Variants in JAG1 observed in about 807,000 individuals in gnomAD.
JAG1 encodes jagged canonical Notch ligand 1.
A neutral mutation model predicts 148.7 loss-of-function variants in JAG1; 23 were observed. The ratio of observed to expected loss-of-function variants is 0.15; its 90% CI spans 0.11 to 0.22. JAG1 has a LOEUF of 0.22. Among genes scored for constraint, JAG1 ranks in the 10% least tolerant of loss-of-function variants. The pLI, the probability that JAG1 is intolerant of heterozygous loss-of-function variation, is 1.00. For missense variants in JAG1, 1,054 were observed against 1,611.2 expected, an observed-to-expected ratio of 0.65 and a Z score of 5.92; for synonymous variants, 572 against 598.3, an observed-to-expected ratio of 0.96 and a Z score of 0.64.
In JAG1 at chr20:10,649,646, A is replaced by G; in HGVS notation, c.1235-11T>C. 6.6e-7 allele frequency: 1 copy of G among 1,513,002 alleles called. No individual in the cohort carries two copies. The highest frequency in any genetic ancestry group is 9.2e-7 in the Non-Finnish European group (1 of 1,088,028). 93.7% of individuals were successfully genotyped at this position (1,513,002 alleles called of 1,614,324 possible). The stretch of plus-strand genomic sequence containing the variant: ...CACATTCATTTGCATCTGAAAGGAG[A>G]TGGGGATGAGCATGAGAAATGAAGT... On this transcript the variant is annotated splice_polypyrimidine_tract_variant and intron_variant, in intron 9 of 25. Coordinates refer to ENST00000254958, the MANE Select transcript of JAG1 (RefSeq NM_000214.3).
chr20:10,670,048 G>A (rs2067485287), intron 2 of JAG1, among the ~76,000 whole-genome samples: 1 of 152,156 alleles, frequency 6.6e-6, no homozygotes, highest in Non-Finnish European at 1.5e-5. Flanking sequence ...CAGAGCCGGG[G>A]CAGGGGACAC....
chr20:10,640,533 C>T (rs949734775), intron 25 of JAG1, among the ~76,000 whole-genome samples: 7 of 152,182 alleles, frequency 4.6e-5, no homozygotes, highest in Non-Finnish European at 7.3e-5. Flanking sequence ...GGCTTTGTCA[C>T]GGATCTAGCA....
intron 18 of JAG1, 186 bp downstream of exon 18, chr20:10,644,677 C>T: frequency 3.0e-6 from 2 of 657,678 alleles, no homozygotes; most frequent in South Asian, 1.7e-5. Context: ...TCTGTCTCCA[C>T]TTATCTTATT....
At chr20:10,647,343 T>G in intron 13 of JAG1, 1 of 570,848 alleles carries the variant, frequency 1.8e-6, no homozygotes. Flanking sequence ...AAAACCCACA[T>G]GCTTGTGGAT....
At chr20:10,653,831 A>T (rs957012290) in intron 5 of JAG1, among the ~76,000 whole-genome samples, 8 of 152,204 alleles carry the variant, frequency 5.3e-5, no homozygotes, top group African/African-American at 1.9e-4. Context: ...CTGAGAGTCA[A>T]CTTAACCCCT....
intron 6 of JAG1, 88 bp downstream of exon 6, chr20:10,652,380 T>G: frequency 1.3e-6 from 2 of 1,598,750 alleles, no homozygotes; most frequent in Non-Finnish European, 1.7e-6. Context: ...GAATTCAGAA[T>G]AAAAGCCCCT....
intron 3 of JAG1, among the ~76,000 whole-genome samples, chr20:10,663,649 G>T (rs899344733): frequency 3.3e-5 from 5 of 152,190 alleles, no homozygotes; most frequent in African/African-American, 1.2e-4. Context: ...TCACTACTTT[G>T]ATCCTTTAGC....
In JAG1 at chr20:10,651,652, C is replaced by T. The variant is rs199922494; in HGVS notation, c.1049G>A (p.Ser350Asn). 36 of 1,614,028 alleles carry T rather than the reference C, an allele frequency of 2.2e-5. No individual in the cohort carries two copies. Among genetic ancestry groups the T allele is most frequent in the Non-Finnish European group, 2.9e-5 (34 of 1,180,004 alleles). The change falls in exon 8 of 26, where the codon AGC (serine) becomes AAC (asparagine). Residue 350 changes from serine (S) to asparagine (N), a missense_variant. Transcript: ENST00000254958. ...CLSDPCHNRG[S>N]CKETSLGFEC... is the part of the protein sequence containing the mutation. ...AAAGCCCAGGGAGGTCTCCTTACAG[C>T]TGCCTCTGTTGTGACAGGGATCAGA... is the stretch of plus-strand genomic sequence containing the variant.
chr20:10,649,691 C>A, intron 9 of JAG1, 56 bp from the exon 10 acceptor site: 1 of 1,008,990 alleles, frequency 9.9e-7, no homozygotes, highest in South Asian at 1.3e-5. Flanking sequence ...ATCTCCCCCA[C>A]CTTGGAAAAA....
chr20:10,641,283 G>T lies in JAG1; in HGVS notation c.2917-39C>A, dbSNP rs564784816. ...TAAAAACCCACACACGTGTAAGATTGAGAGGAAGAACAAAAGGCTGAGATG... is the reference window on the plus strand; with the variant it reads ...TAAAAACCCACACACGTGTAAGATTTAGAGGAAGAACAAAAGGCTGAGATG... On this transcript the variant is annotated intron_variant, in intron 23 of 25. Coordinates refer to ENST00000254958, the MANE Select transcript of JAG1 (RefSeq NM_000214.3). 5.0e-6 allele frequency: 8 copies of T among 1,612,132 alleles called. No individual in the cohort carries two copies. The East Asian group carries it at 1.6e-4, about 31-fold the overall frequency.
chr20:10,640,586 G>A (rs1239071631), intron 25 of JAG1, among the ~76,000 whole-genome samples, 197 bp downstream of exon 25: 1 of 152,208 alleles, frequency 6.6e-6, no homozygotes, highest in Non-Finnish European at 1.5e-5. Flanking sequence ...GTGTTGGGAA[G>A]GAAAATATGA....
chr20:10,650,364 G>A lies in JAG1; in HGVS notation c.1121-4C>T. 6.5e-7 allele frequency: 1 copy of A among 1,547,168 alleles called. No individual in the cohort carries two copies. The highest frequency in any genetic ancestry group is 8.9e-7 in the Non-Finnish European group (1 of 1,119,442). ...TTAGGAGAACAGTCATCAATGTCTG[G>A]TCAACAAGAAAAGGAGGGGGTTGAC... On this transcript the variant is annotated splice_region_variant and splice_polypyrimidine_tract_variant and intron_variant, in intron 8 of 25. Coordinates refer to ENST00000254958, the MANE Select transcript of JAG1 (RefSeq NM_000214.3).
chr20:10,648,582 C>T lies in JAG1; in HGVS notation c.1536G>A (p.Leu512=), dbSNP rs375773178. Reference sequence around the variant, plus strand: ...GGTTTCCAGAGAAACCAGTGGGACACAGACACTGGAATCTGTTGATTTCAT... The same window carrying T: ...GGTTTCCAGAGAAACCAGTGGGACATAGACACTGGAATCTGTTGATTTCAT... ...CQNEINRFQC[L]CPTGFSGNLC... is the part of the protein sequence containing the mutation. Residue 512 remains leucine, a synonymous_variant, in exon 12 of 26, where the codon CTG becomes CTA. Transcript: ENST00000254958. 7.4e-6 allele frequency: 12 copies of T among 1,613,998 alleles called. No homozygotes were observed. The Middle Eastern group carries it at 8.5e-4, about 114-fold the overall frequency.
At position 10,659,559 on chromosome 20, in the gene JAG1, C is replaced by CTTTTT. The variant is rs35826283; in HGVS notation, c.440-842_440-838dup. 1.7e-3 allele frequency among the ~76,000 whole-genome samples: 177 copies of CTTTTT among 105,154 alleles called. 30 individuals carry two copies. The highest frequency in any genetic ancestry group is 5.0e-3 in the East Asian group (16 of 3,194). The allele number at this position is 105,154 out of a possible 152,430, so 69.0% of individuals were successfully genotyped here. A position where few individuals can be genotyped will look rare whatever the true frequency, so the allele number is the denominator to read the frequency against. On this transcript the variant is annotated intron_variant, in intron 3 of 25. Coordinates refer to ENST00000254958, the MANE Select transcript of JAG1 (RefSeq NM_000214.3). The stretch of plus-strand genomic sequence containing the variant: ...GGAAGCCAAGGAGACGATTAAGTTA[C>CTTTTT]TTTTTTTTTTTTTTTTTTTTTTTTT...
chr20:10,643,294 A>C (rs1355136758), intron 20 of JAG1, among the ~76,000 whole-genome samples: 1 of 152,222 alleles, frequency 6.6e-6, no homozygotes, highest in Non-Finnish European at 1.5e-5. Flanking sequence ...AATATGCTTT[A>C]AGCCTCTTGA....
chr20:10,644,482 T>C (rs2067294565), intron 18 of JAG1, 98 bp from the exon 19 acceptor site: 2 of 963,864 alleles, frequency 2.1e-6, no homozygotes, highest in Non-Finnish European at 3.3e-6. Context: ...ACCCAAATGA[T>C]AAAGTCGTAG....
rs996389955 is a variant in JAG1, at chr20:10,652,610, C to A, written c.756-12G>T. 6.2e-7 allele frequency: 1 copy of A among 1,613,654 alleles called. No homozygotes were observed. The highest frequency in any genetic ancestry group is 1.7e-5 in the Admixed American group (1 of 60,004). ...AGCCGTACTGGCACCTGGAGACACA[C>A]AGCACACCTCCAGGTTAGCCTTTTG... On this transcript the variant is annotated splice_polypyrimidine_tract_variant and intron_variant, in intron 5 of 25. Transcript: ENST00000254958.
In JAG1 at chr20:10,637,763, T is replaced by A. The variant is rs2067242661; in HGVS notation, c.*1735A>T. The A allele has an allele frequency of 6.5e-6, 1 of 152,676 alleles. No individual in the cohort carries two copies. Among genetic ancestry groups the A allele is most frequent in the Non-Finnish European group, 1.5e-5 (1 of 68,052 alleles). The allele number at this position is 152,676 out of a possible 1,614,324, so 9.5% of individuals were successfully genotyped here. On this transcript the variant is annotated 3_prime_UTR_variant, in exon 26 of 26. Transcript: ENST00000254958. ...ACAAGGGAATCAAGGCTCCCCTAGA[T>A]GGGGCTCCCGCAGTTCCAGCTTCAC...
chr20:10,649,409 C>T, intron 10 of JAG1, 113 bp downstream of exon 10: 1 of 743,482 alleles, frequency 1.3e-6, no homozygotes, highest in Non-Finnish European at 2.4e-6. Context: ...AAACCATTCC[C>T]ACTCTAAGGT....
Sources: allele counts gnomAD v4.1 joint callset (sites outside exome capture counted in the v4.1 genomes callset), GRCh38; gene constraint gnomAD v4.1.1; transcripts MANE v1.5; gene names NCBI Gene and HGNC (gene_info 2026-07-23, HGNC 2026-07-21).